The following UBE2R2 variants were observed in gnomAD, a reference collection of about 807,000 sequenced individuals.
The protein encoded by UBE2R2 is ubiquitin conjugating enzyme E2 R2, also known as ubiquitin-conjugating enzyme E2 R2.
In UBE2R2, 1 loss-of-function variant was observed where a neutral mutation model predicts 27.8. The observed-to-expected ratio is 0.04, with a 90% confidence interval of 0.01 to 0.17. The LOEUF (loss-of-function observed/expected upper bound fraction) is 0.17, where lower values mean the gene tolerates loss of function less well. Ranked by LOEUF, UBE2R2 falls within the 10% of genes least tolerant of loss-of-function variation. The pLI, the probability that UBE2R2 is intolerant of heterozygous loss-of-function variation, is 1.00. For synonymous variants in UBE2R2, 106 were observed against 113.3 expected (o/e 0.94, Z 0.41); for missense variants, 100 against 291.0 (o/e 0.34, Z 4.78).
intron 4 of UBE2R2, among the ~76,000 whole-genome samples, chr9:33,916,139 G>A (rs1384775888): frequency 1.3e-5 from 2 of 152,132 alleles, no homozygotes; most frequent in Non-Finnish European, 2.9e-5. Flanking sequence ...CCAGGAGTTC[G>A]AGACCAGCCT....
At chr9:33,825,414 T>C (rs1820294145) in intron 1 of UBE2R2, among the ~76,000 whole-genome samples, 1 of 151,994 alleles carries the variant, frequency 6.6e-6, no homozygotes, top group African/African-American at 2.4e-5. Context: ...CTAATTTTTG[T>C]ATTTTTAGTA....
chr9:33,873,118 T>A (rs1346176238), intron 1 of UBE2R2, among the ~76,000 whole-genome samples: 1 of 140,524 alleles, frequency 7.1e-6, no homozygotes, highest in East Asian at 2.1e-4. Flanking sequence ...GAGGTTGCAG[T>A]CAGCAGAGAT....
chr9:33,885,529 A>C (rs1821836176), intron 1 of UBE2R2, among the ~76,000 whole-genome samples: 1 of 152,384 alleles, frequency 6.6e-6, no homozygotes, highest in East Asian at 1.9e-4. Flanking sequence ...AAGTAAACTT[A>C]ATGACAATTC....
At chr9:33,834,768 G>C (rs1210083823) in intron 1 of UBE2R2, among the ~76,000 whole-genome samples, 1 of 151,686 alleles carries the variant, frequency 6.6e-6, no homozygotes, top group Non-Finnish European at 1.5e-5. Flanking sequence ...AAATTAGCCG[G>C]ATGTGGTGAC....
chr9:33,815,845 G>C (rs145379424), upstream of UBE2R2, among the ~76,000 whole-genome samples: 89 of 152,220 alleles, frequency 5.8e-4, 1 homozygote, highest in Non-Finnish European at 1.9e-4. Flanking sequence ...CAGTCACTAC[G>C]CTAAATGCTG....
At chr9:33,900,948 T>G (rs1399058408) in intron 3 of UBE2R2, among the ~76,000 whole-genome samples, 1 of 152,086 alleles carries the variant, frequency 6.6e-6, no homozygotes, top group African/African-American at 2.4e-5. Context: ...TCTCTCTGTT[T>G]CTGTCTGTGT....
intron 1 of UBE2R2, among the ~76,000 whole-genome samples, chr9:33,855,089 A>G (rs1475677692): frequency 6.6e-6 from 1 of 152,076 alleles, no homozygotes; most frequent in Non-Finnish European, 1.5e-5. Flanking sequence ...GTTACTTGAC[A>G]TATTTTGTTA....
At chr9:33,819,764 A>C (rs1184634210) in intron 1 of UBE2R2, among the ~76,000 whole-genome samples, 1 of 151,722 alleles carries the variant, frequency 6.6e-6, no homozygotes, top group Non-Finnish European at 1.5e-5. Flanking sequence ...TCAGCCTCCC[A>C]AGCTGCTGGG....
At chr9:33,822,973 C>T (rs1350559573) in intron 1 of UBE2R2, among the ~76,000 whole-genome samples, 1 of 138,194 alleles carries the variant, frequency 7.2e-6, no homozygotes, top group East Asian at 2.1e-4. Context: ...GGTGTGATTT[C>T]GGCTCACTGC....
At chr9:33,843,062 T>TG (rs1820765464) in intron 1 of UBE2R2, among the ~76,000 whole-genome samples, 1 of 146,656 alleles carries the variant, frequency 6.8e-6, no homozygotes, top group African/African-American at 2.5e-5. Context: ...TTTTTTTTTT[T>TG]TTTAAGACAG....
chr9:33,864,886 G>A (rs750181316), intron 1 of UBE2R2, among the ~76,000 whole-genome samples: 11 of 151,688 alleles, frequency 7.3e-5, no homozygotes, highest in East Asian at 1.9e-4. Context: ...CACCACACCC[G>A]ACTAATTTTT....
chr9:33,821,508 T>C (rs1023046950), intron 1 of UBE2R2, among the ~76,000 whole-genome samples: 1 of 152,138 alleles, frequency 6.6e-6, no homozygotes, highest in African/African-American at 2.4e-5. Context: ...TTAGTGTGGG[T>C]GCTTTAGTAC....
intron 1 of UBE2R2, among the ~76,000 whole-genome samples, chr9:33,873,198 G>A (rs1023129913): frequency 2.6e-4 from 29 of 111,422 alleles, no homozygotes; most frequent in Admixed American, 1.7e-3. Context: ...AAAAAAAAAA[G>A]ATCTAATATC....
At chr9:33,900,422 G>A in intron 3 of UBE2R2, 151 bp downstream of exon 3, 1 of 529,672 alleles carries the variant, frequency 1.9e-6, no homozygotes, top group Non-Finnish European at 3.3e-6. Context: ...TAAGAAATAT[G>A]TATGCGTCAT....
intron 4 of UBE2R2, among the ~76,000 whole-genome samples, chr9:33,916,122 C>A (rs1822635239): frequency 6.6e-6 from 1 of 152,176 alleles, no homozygotes; most frequent in Admixed American, 6.5e-5. Context: ...GTGGGCAGAT[C>A]ATGAGGCCAG....
intron 1 of UBE2R2, among the ~76,000 whole-genome samples, chr9:33,882,376 G>T (rs1171843677): frequency 2.0e-5 from 3 of 151,994 alleles, no homozygotes; most frequent in Non-Finnish European, 4.4e-5. Context: ...AACCTCTCCT[G>T]CCCGGGTTCA....
intron 1 of UBE2R2, among the ~76,000 whole-genome samples, chr9:33,869,538 C>T (rs1275604110): frequency 6.6e-6 from 1 of 151,604 alleles, no homozygotes; most frequent in African/African-American, 2.4e-5. Flanking sequence ...TCTCTGAGGC[C>T]TCCCGGGTTC....
At chr9:33,878,649 G>A (rs1245626258) in intron 1 of UBE2R2, among the ~76,000 whole-genome samples, 1 of 152,220 alleles carries the variant, frequency 6.6e-6, no homozygotes, top group East Asian at 1.9e-4. Flanking sequence ...ATTTATTAGA[G>A]AACATAGGAA....
At chr9:33,912,810 C>A (rs1822522744) in intron 4 of UBE2R2, among the ~76,000 whole-genome samples, 1 of 152,016 alleles carries the variant, frequency 6.6e-6, no homozygotes, top group Non-Finnish European at 1.5e-5. Context: ...TTTTTGGGGT[C>A]TTTTACTTTC....
Sources: allele counts gnomAD v4.1 joint callset (sites outside exome capture counted in the v4.1 genomes callset), GRCh38; gene constraint gnomAD v4.1.1; transcripts MANE v1.5; gene names NCBI Gene and HGNC (gene_info 2026-07-23, HGNC 2026-07-21).